The following ANAPC10 variants were observed in gnomAD, a reference collection of about 807,000 sequenced individuals.
The protein encoded by ANAPC10 is anaphase-promoting complex subunit 10.
Under a neutral mutation model 22.0 loss-of-function variants are expected in ANAPC10, and 12 were observed. That is an observed-to-expected ratio of 0.55 (90% CI 0.35 to 0.88). ANAPC10 has a LOEUF of 0.88. ANAPC10 is among the 40% of genes least tolerant of loss of function. ANAPC10 has a pLI of 0.01. For synonymous variants in ANAPC10, 65 were observed against 69.5 expected (o/e 0.94, Z 0.32); for missense variants, 188 against 220.9 (o/e 0.85, Z 0.94).
intron 4 of ANAPC10, among the ~76,000 whole-genome samples, chr4:145,056,295 C>T (rs1257921351): frequency 1.3e-5 from 2 of 152,214 alleles, no homozygotes; most frequent in Admixed American, 1.3e-4. Context: ...TACACTCCCA[C>T]CAGCACCATG....
intron 4 of ANAPC10, among the ~76,000 whole-genome samples, chr4:145,019,785 T>A (rs1452944904): frequency 3.3e-5 from 5 of 151,942 alleles, no homozygotes; most frequent in Non-Finnish European, 7.4e-5. Context: ...ATACAAAAGA[T>A]CATTCAAGGC....
intron 4 of ANAPC10, among the ~76,000 whole-genome samples, chr4:145,018,490 A>T (rs1329003699): frequency 6.6e-6 from 1 of 151,758 alleles, no homozygotes; most frequent in African/African-American, 2.4e-5. Context: ...AAAAAAAAAT[A>T]AGCCAGGCAT....
At chr4:145,001,158 A>G (rs897259803) in intron 4 of ANAPC10, among the ~76,000 whole-genome samples, 2 of 145,092 alleles carry the variant, frequency 1.4e-5, no homozygotes, top group Non-Finnish European at 3.0e-5. Flanking sequence ...CATTGTGTAC[A>G]TGTACCCTAG....
chr4:145,040,118 AGTGTGTGTGTATGT>A (rs1052050267), intron 4 of ANAPC10, among the ~76,000 whole-genome samples: 2 of 102,188 alleles, frequency 2.0e-5, no homozygotes, highest in Non-Finnish European at 3.9e-5. Flanking sequence ...CTTTTGTTTT[AGTGTGTGTGTATGT>A]GTGTGTGTGT....
At chr4:145,053,251 G>C (rs1741396214) in intron 4 of ANAPC10, among the ~76,000 whole-genome samples, 1 of 152,100 alleles carries the variant, frequency 6.6e-6, no homozygotes, top group African/African-American at 2.4e-5. Flanking sequence ...TGTTAATTTG[G>C]AACAAGATTA....
intron 2 of ANAPC10, among the ~76,000 whole-genome samples, chr4:145,092,958 CCA>C (rs1188850777): frequency 1.3e-5 from 2 of 152,172 alleles, no homozygotes; most frequent in Non-Finnish European, 2.9e-5. Flanking sequence ...AAAAGACCAG[CCA>C]CAGATACAAG....
At chr4:145,040,227 C>T (rs1035884891) in intron 4 of ANAPC10, among the ~76,000 whole-genome samples, 1 of 151,686 alleles carries the variant, frequency 6.6e-6, no homozygotes, top group Non-Finnish European at 1.5e-5. Context: ...CTGGGCTCAC[C>T]GCACCTCTGC....
At chr4:145,034,053 A>G (rs1738050145) in intron 4 of ANAPC10, among the ~76,000 whole-genome samples, 1 of 152,194 alleles carries the variant, frequency 6.6e-6, no homozygotes, top group Non-Finnish European at 1.5e-5. Context: ...TATGTTAGGC[A>G]TAATTATGAC....
chr4:145,015,168 A>G (rs1300267307), intron 4 of ANAPC10, among the ~76,000 whole-genome samples: 2 of 152,116 alleles, frequency 1.3e-5, no homozygotes, highest in Non-Finnish European at 1.5e-5. Context: ...GGCAAAGCCC[A>G]ATGCAAGGAA....
intron 4 of ANAPC10, among the ~76,000 whole-genome samples, chr4:145,038,737 G>A (rs1378844522): frequency 5.4e-5 from 8 of 149,504 alleles, no homozygotes; most frequent in East Asian, 3.9e-4. Flanking sequence ...CAGGAGAATC[G>A]CTTTAACCTG....
chr4:145,021,511 T>C (rs968680061), intron 4 of ANAPC10, among the ~76,000 whole-genome samples: 15 of 152,130 alleles, frequency 9.9e-5, no homozygotes, highest in African/African-American at 3.6e-4. Flanking sequence ...TCTCACCTTA[T>C]ATAAAAATCA....
chr4:145,094,790 G>C (rs995746411), intron 2 of ANAPC10, among the ~76,000 whole-genome samples: 3 of 149,936 alleles, frequency 2.0e-5, no homozygotes, highest in African/African-American at 7.4e-5. Flanking sequence ...AAAAAAACAA[G>C]TTACTTAGGA....
chr4:145,002,021 AAACTACTTGATAGTTGCTTCAGT>A (rs1732649248), intron 4 of ANAPC10, among the ~76,000 whole-genome samples: 1 of 152,200 alleles, frequency 6.6e-6, no homozygotes, highest in African/African-American at 2.4e-5. Context: ...AAGGAAGGAA[AAACTACTTGATAGTTGCTTCAGT>A]AGTTGCTCTT....
intron 4 of ANAPC10, among the ~76,000 whole-genome samples, chr4:145,046,355 C>T (rs540773832): frequency 9.2e-5 from 14 of 152,106 alleles, no homozygotes; most frequent in African/African-American, 3.4e-4. Flanking sequence ...AGTATAAGGG[C>T]TAAGAAGTAA....
At chr4:145,068,678 G>A (rs182075688) in intron 3 of ANAPC10, among the ~76,000 whole-genome samples, 6 of 152,340 alleles carry the variant, frequency 3.9e-5, no homozygotes, top group African/African-American at 1.4e-4. Flanking sequence ...TTGGGAGGCT[G>A]AGGCAGGCAG....
At chr4:145,032,737 G>A (rs910538435) in intron 4 of ANAPC10, among the ~76,000 whole-genome samples, 1 of 152,220 alleles carries the variant, frequency 6.6e-6, no homozygotes, top group Non-Finnish European at 1.5e-5. Context: ...GCCAGCAGCA[G>A]AGACCAACAC....
chr4:145,063,092 A>G (rs1743146349), intron 4 of ANAPC10, among the ~76,000 whole-genome samples: 1 of 152,232 alleles, frequency 6.6e-6, no homozygotes, highest in African/African-American at 2.4e-5. Context: ...GAGATCCAGT[A>G]TATAACAGTG....
chr4:145,025,694 A>T (rs527902553), intron 4 of ANAPC10, among the ~76,000 whole-genome samples: 8 of 152,338 alleles, frequency 5.3e-5, no homozygotes, highest in Admixed American at 2.6e-4. Context: ...ATACTACAAG[A>T]ATTACCAAAA....
At chr4:144,997,971 A>G (rs952541378) in intron 4 of ANAPC10, among the ~76,000 whole-genome samples, 1 of 152,228 alleles carries the variant, frequency 6.6e-6, no homozygotes, top group Non-Finnish European at 1.5e-5. Context: ...ACAAAGATCA[A>G]AAGAGACAAA....
Sources: gnomAD v4.1 joint callset for allele counts (sites outside exome capture counted in the v4.1 genomes callset) on GRCh38, gnomAD v4.1.1 for gene constraint, MANE v1.5 for transcripts, NCBI Gene and HGNC (gene_info 2026-07-23, HGNC 2026-07-21) for gene names.